Variants in DPYD observed in about 807,000 individuals in gnomAD.
DPYD encodes the protein dihydropyrimidine dehydrogenase [NADP(+)].
DPYD carries 109 observed loss-of-function variants against 116.2 expected under a neutral mutation model. That is an observed-to-expected ratio of 0.94 (90% confidence interval 0.80 to 1.10). The LOEUF (loss-of-function observed/expected upper bound fraction) is 1.10. Ranked by LOEUF, DPYD falls within the 50% of genes least tolerant of loss-of-function variation. The pLI is 0.00. For missense variants in DPYD, 1,302 were observed against 1,254.5 expected (o/e 1.04, Z -0.57); for synonymous variants, 440 against 432.0 (o/e 1.02, Z -0.23).
chr1:97,774,416 T>C (rs1172284086), intron 3 of DPYD, among the ~76,000 whole-genome samples: 2 of 152,154 alleles, frequency 1.3e-5, no homozygotes, highest in African/African-American at 2.4e-5. Flanking sequence ...TCTTCCTTTA[T>C]GATATTAAGA....
At chr1:97,552,949 T>C (rs561509394) in intron 11 of DPYD, among the ~76,000 whole-genome samples, 1 of 152,122 alleles carries the variant, frequency 6.6e-6, no homozygotes, top group South Asian at 2.1e-4. Context: ...AGACCATCTG[T>C]ATATATTTTA....
intron 13 of DPYD, among the ~76,000 whole-genome samples, chr1:97,489,452 C>T (rs1371884831): frequency 1.3e-5 from 2 of 152,184 alleles, no homozygotes; most frequent in East Asian, 1.9e-4. Flanking sequence ...AATACACACA[C>T]ATACAAAGGA....
intron 18 of DPYD, among the ~76,000 whole-genome samples, chr1:97,249,616 A>T (rs1182376391): frequency 1.3e-5 from 2 of 152,116 alleles, no homozygotes; most frequent in Non-Finnish European, 2.9e-5. Flanking sequence ...AAATTGATAA[A>T]CTGGACACTT....
intron 19 of DPYD, among the ~76,000 whole-genome samples, chr1:97,211,269 C>T (rs1473772154): frequency 2.6e-5 from 4 of 152,264 alleles, no homozygotes; most frequent in African/African-American, 9.6e-5. Flanking sequence ...GATGAATCTT[C>T]TCATTCAGTT....
chr1:97,361,842 A>G (rs1304780473), intron 16 of DPYD, among the ~76,000 whole-genome samples: 19 of 152,202 alleles, frequency 1.2e-4, no homozygotes. Flanking sequence ...CCCACAGCCA[A>G]TATCATACTG....
chr1:97,811,118 C>A (rs1274530852), intron 3 of DPYD, among the ~76,000 whole-genome samples: 2 of 152,060 alleles, frequency 1.3e-5, no homozygotes, highest in Admixed American at 1.3e-4. Context: ...GTTGAAGACT[C>A]CCCTGTCAAA....
chr1:97,288,968 G>A (rs1665934056), intron 18 of DPYD, among the ~76,000 whole-genome samples: 1 of 151,578 alleles, frequency 6.6e-6, no homozygotes. Flanking sequence ...AAAGAGAGAA[G>A]AATCAAATAG....
rs773407491 is a variant in DPYD at position 97,306,219 on chromosome 1, T to C, written c.2137A>G (p.Asn713Asp). 1.9e-6 allele frequency: 3 copies of C among 1,612,578 alleles called. No individual in the cohort carries two copies. The highest frequency in any genetic ancestry group is 1.7e-6 in the Non-Finnish European group (2 of 1,178,942). Residue 713 changes from asparagine to aspartate, a missense_variant, in exon 17 of 23, where the codon AAT becomes GAT. Transcript: ENST00000370192. ...GCGATGCTCACAATATCAGTGACAT[T>C]TGGGGTCAGCTTGGCAAAAAAAGGA... ...QIPFFAKLTPNVTDIVSIARA... is the reference protein window; with the variant it reads ...QIPFFAKLTPDVTDIVSIARA...
chr1:97,794,086 C>G (rs937580314), intron 3 of DPYD, among the ~76,000 whole-genome samples: 1 of 152,072 alleles, frequency 6.6e-6, no homozygotes, highest in East Asian at 1.9e-4. Flanking sequence ...TACAGGCATG[C>G]GCCACTATGC....
chr1:97,276,633 G>T (rs1664942547), intron 18 of DPYD, among the ~76,000 whole-genome samples: 1 of 149,968 alleles, frequency 6.7e-6, no homozygotes, highest in Non-Finnish European at 1.5e-5. Flanking sequence ...AGTCAGAATG[G>T]CTATTAAGAA....
intron 14 of DPYD, among the ~76,000 whole-genome samples, chr1:97,439,796 A>T (rs1325587383): frequency 6.6e-6 from 1 of 151,944 alleles, no homozygotes; most frequent in Non-Finnish European, 1.5e-5. Context: ...TTTAAAGGTA[A>T]AAATGTAGGT....
At chr1:97,555,266 G>A (rs1252969424) in intron 11 of DPYD, among the ~76,000 whole-genome samples, 1 of 151,908 alleles carries the variant, frequency 6.6e-6, no homozygotes, top group East Asian at 1.9e-4. Context: ...CCTCTTCTCA[G>A]CTCTCAAATA....
At chr1:97,620,592 T>C (rs1173796594) in intron 8 of DPYD, among the ~76,000 whole-genome samples, 5 of 152,194 alleles carry the variant, frequency 3.3e-5, no homozygotes, top group Admixed American at 1.3e-4. Context: ...TTTTTAAACA[T>C]AGTTGGCCAA....
At chr1:97,613,097 C>CT in intron 8 of DPYD, among the ~76,000 whole-genome samples, 1 of 152,098 alleles carries the variant, frequency 6.6e-6, no homozygotes, top group South Asian at 2.1e-4. Flanking sequence ...CCCTTTCTCT[C>CT]TTTCCTTTTT....
At chr1:97,774,469 A>G (rs1054437412) in intron 3 of DPYD, among the ~76,000 whole-genome samples, 4 of 152,178 alleles carry the variant, frequency 2.6e-5, no homozygotes, top group African/African-American at 9.6e-5. Flanking sequence ...TAAAATGAGC[A>G]TTTCACTCAG....
At chr1:97,091,841 CT>C (rs1305683776) in intron 21 of DPYD, among the ~76,000 whole-genome samples, 1 of 152,150 alleles carries the variant, frequency 6.6e-6, no homozygotes, top group African/African-American at 2.4e-5. Flanking sequence ...GCCCTTGCCC[CT>C]CTAGCAAACT....
At chr1:97,382,805 G>A (rs750369657) in intron 14 of DPYD, among the ~76,000 whole-genome samples, 4 of 152,038 alleles carry the variant, frequency 2.6e-5, no homozygotes, top group Admixed American at 6.6e-5. Context: ...ATGCATGTAC[G>A]TGAAGGGATT....
chr1:97,486,747 T>C (rs1195049121), intron 13 of DPYD, among the ~76,000 whole-genome samples: 2 of 152,136 alleles, frequency 1.3e-5, no homozygotes, highest in Non-Finnish European at 2.9e-5. Context: ...TTTAGTTTTG[T>C]TCTTATTTAT....
At chr1:97,677,569 T>C (rs1660211686) in intron 8 of DPYD, among the ~76,000 whole-genome samples, 2 of 152,086 alleles carry the variant, frequency 1.3e-5, no homozygotes, top group South Asian at 4.1e-4. Flanking sequence ...TGCCTAAAAA[T>C]AGAACCCAGG....
Sources: allele counts gnomAD v4.1 joint callset (sites outside exome capture counted in the v4.1 genomes callset), GRCh38; gene constraint gnomAD v4.1.1; transcripts MANE v1.5; gene names NCBI Gene and HGNC (gene_info 2026-07-23, HGNC 2026-07-21).